Variants in TRUB1 observed in about 807,000 individuals in gnomAD.
The protein encoded by TRUB1 is TruB pseudouridine synthase family member 1.
Under a neutral mutation model 33.9 loss-of-function variants are expected in TRUB1, and 23 were observed. The observed-to-expected ratio is 0.68, with a 90% CI of 0.49 to 0.96. TRUB1 has a LOEUF of 0.96. Among genes scored for constraint, TRUB1 ranks in the 40% least tolerant of loss-of-function variants. The pLI, the probability that TRUB1 is intolerant of heterozygous loss-of-function variation, is 0.00. For missense variants in TRUB1, 378 were observed against 422.2 expected (o/e 0.90, Z 0.92); for synonymous variants, 163 against 165.4 (o/e 0.99, Z 0.11).
intron 1 of TRUB1, among the ~76,000 whole-genome samples, chr10:114,940,051 T>C (rs530361506): frequency 2.0e-5 from 3 of 152,278 alleles, no homozygotes; most frequent in South Asian, 4.1e-4. Flanking sequence ...TATTTTGTAT[T>C]TATGTTAGTT....
In TRUB1 at chr10:114,975,127, A is replaced by G. The variant is rs1564702869; in HGVS notation, c.798A>G (p.Leu266=). 3 of 1,608,170 alleles carry G rather than the reference A, an allele frequency of 1.9e-6. No individual in the cohort carries two copies. Among genetic ancestry groups the G allele is most frequent in the Non-Finnish European group, 2.5e-6 (3 of 1,177,826 alleles). Residue 266 remains leucine (L), a synonymous_variant, in exon 8 of 8, where the codon CTA becomes CTG. Transcript: ENST00000298746. ...RSLVSDIGKE[L]SSCANVLELT... ...TTCTACCTTTTGTTGCCATAGAACT[A>G]TCTTCCTGTGCCAATGTGCTAGAGC... is the stretch of plus-strand genomic sequence containing the variant.
intron 7 of TRUB1, 78 bp downstream of exon 7, chr10:114,974,463 T>C (rs2143036839): frequency 7.7e-7 from 1 of 1,292,796 alleles, no homozygotes; most frequent in Non-Finnish European, 1.1e-6. Flanking sequence ...ATTTTCCGTT[T>C]TTCTTATTTC....
Position 114,975,404 on chromosome 10 carries a change from T to G in TRUB1, c.*25T>G, listed in dbSNP as rs2084356068. On this transcript the variant is annotated 3_prime_UTR_variant, in exon 8 of 8. Transcript: ENST00000298746. ...AGATTGGCCTGGGAATATCATCATT[T>G]TCTAGTTGACATTTGAATCCTGTGT... is the stretch of plus-strand genomic sequence containing the variant. 1.3e-6 allele frequency: 2 copies of G among 1,512,980 alleles called. No homozygotes were observed. The highest frequency in any genetic ancestry group is 1.4e-5 in the African/African-American group (1 of 71,854). 93.7% of individuals were successfully genotyped at this position (1,512,980 alleles called of 1,614,324 possible).
intron 2 of TRUB1, among the ~76,000 whole-genome samples, chr10:114,944,701 C>T (rs1429834512): frequency 6.6e-6 from 1 of 151,910 alleles, no homozygotes; most frequent in African/African-American, 2.4e-5. Context: ...AGAAAAAAAT[C>T]AGGCTGGGCA....
Position 114,938,264 on chromosome 10 carries a change from C to T in TRUB1, c.11C>T (p.Ser4Phe). The change falls in exon 1 of 8, where the codon TCT becomes TTT. Residue 4 changes from serine to phenylalanine, a missense_variant. By Grantham distance (155) the Ser-to-Phe change is radical (BLOSUM62 -2). Coordinates refer to ENST00000298746, the MANE Select transcript of TRUB1 (RefSeq NM_139169.5). ...CTGGGCTACAAAAGTATGGCCGCTT[C>T]TGAGGCGGCGGTGGTGTCTTCGCCG... Reference protein sequence around the residue: MAASEAAVVSSPSL... With the variant: MAAFEAAVVSSPSL... 1.9e-6 allele frequency: 3 copies of T among 1,614,180 alleles called. No individual in the cohort carries two copies. The highest frequency in any genetic ancestry group is 2.5e-6 in the Non-Finnish European group (3 of 1,180,016).
At chr10:114,940,731 A>G (rs1290304409) in intron 1 of TRUB1, among the ~76,000 whole-genome samples, 1 of 152,208 alleles carries the variant, frequency 6.6e-6, no homozygotes, top group East Asian at 1.9e-4. Flanking sequence ...TAGTATATTT[A>G]TGGGGCCTTC....
chr10:114,942,030 C>T (rs979560449), intron 1 of TRUB1, among the ~76,000 whole-genome samples: 12 of 152,116 alleles, frequency 7.9e-5, no homozygotes, highest in African/African-American at 2.9e-4. Flanking sequence ...GTGATCCGCC[C>T]GCTTCGGCCT....
At chr10:114,970,292 A>G in intron 4 of TRUB1, 76 bp from the exon 5 acceptor site, 2 of 996,966 alleles carry the variant, frequency 2.0e-6, no homozygotes, top group Non-Finnish European at 3.0e-6. Context: ...ATGAATTTTC[A>G]GGGCTGTTGG....
intron 2 of TRUB1, among the ~76,000 whole-genome samples, chr10:114,949,371 A>G (rs2084224245): frequency 6.6e-6 from 1 of 152,194 alleles, no homozygotes; most frequent in South Asian, 2.1e-4. Flanking sequence ...GAAGAGTATT[A>G]TGCTCTTCAG....
chr10:114,970,608 A>G (rs1230348907), intron 5 of TRUB1, among the ~76,000 whole-genome samples, 168 bp downstream of exon 5: 2 of 152,102 alleles, frequency 1.3e-5, no homozygotes, highest in Non-Finnish European at 2.9e-5. Flanking sequence ...AGCTTTTGAC[A>G]CTCTAAGAGG....
intron 5 of TRUB1, among the ~76,000 whole-genome samples, chr10:114,971,893 T>C (rs914276734): frequency 2.6e-5 from 4 of 152,188 alleles, no homozygotes; most frequent in African/African-American, 9.7e-5. Context: ...ACACTGCATA[T>C]TGTGTGCCAG....
chr10:114,953,580 A>G (rs1232931863), intron 3 of TRUB1, among the ~76,000 whole-genome samples: 1 of 152,198 alleles, frequency 6.6e-6, no homozygotes, highest in Non-Finnish European at 1.5e-5. Flanking sequence ...TATTTTATGT[A>G]ATGACCATAT....
chr10:114,944,198 ACTTAT>A (rs1178849758), intron 2 of TRUB1, among the ~76,000 whole-genome samples: 1 of 151,884 alleles, frequency 6.6e-6, no homozygotes, highest in Non-Finnish European at 1.5e-5. Context: ...ATGGAACAAT[ACTTAT>A]CTTTTTACAT....
chr10:114,970,336 GT>G (rs776056946), intron 4 of TRUB1, 31 bp from the exon 5 acceptor site: 15 of 1,481,104 alleles, frequency 1.0e-5, no homozygotes, highest in African/African-American at 2.8e-5. Flanking sequence ...TTCTGTGGTT[GT>G]TTTAGTGTCT....
chr10:114,960,646 A>G (rs1338729216), intron 4 of TRUB1, among the ~76,000 whole-genome samples: 1 of 152,190 alleles, frequency 6.6e-6, no homozygotes. Flanking sequence ...GTAGCTTAGT[A>G]TCTTGCTCAA....
intron 1 of TRUB1, among the ~76,000 whole-genome samples, chr10:114,938,833 C>T (rs1463577600): frequency 6.6e-6 from 1 of 152,110 alleles, no homozygotes; most frequent in East Asian, 1.9e-4. Context: ...CTGATCGATC[C>T]CTCAGGAGGC....
rs142494407 is a variant in TRUB1 at position 114,972,382 on chromosome 10, A to G, written c.736+108A>G. The G allele has an allele frequency of 3.9e-6, 5 of 1,290,034 alleles. No individual in the cohort carries two copies. The East Asian group carries it at 1.2e-4, about 32-fold the overall frequency. The allele number at this position is 1,290,034 out of a possible 1,614,324, so 79.9% of individuals were successfully genotyped here. ...TCCGTAGGATGTTGGAGATTTTTTA[A>G]AATTTGAATTTAAGGAAAGTTAGGA... On this transcript the variant is annotated intron_variant, in intron 6 of 7. Coordinates refer to ENST00000298746, the MANE Select transcript of TRUB1 (RefSeq NM_139169.5).
chr10:114,949,486 A>G (rs907949918), intron 2 of TRUB1, among the ~76,000 whole-genome samples: 1 of 152,168 alleles, frequency 6.6e-6, no homozygotes. Context: ...GTTGGAATAG[A>G]CTTTATGAAT....
rs1346322608 is a variant in TRUB1 at position 114,959,729 on chromosome 10, T to G, written c.445T>G (p.Tyr149Asp). The change falls in exon 4 of 8, where the codon TAT (tyrosine) becomes GAT (aspartate). Residue 149 changes from tyrosine (Y) to aspartate (D), a missense_variant. Coordinates refer to ENST00000298746, the MANE Select transcript of TRUB1 (RefSeq NM_139169.5). ...TCTCTTGTTTCCCTTCCTCTAGAGA[T>G]ATACTGCCATTGGAGAACTGGGGAA... ...LTSMLSGSKRYTAIGELGKAT... is the reference protein window; with the variant it reads ...LTSMLSGSKRDTAIGELGKAT... 6.2e-7 allele frequency: 1 copy of G among 1,603,170 alleles called. No individual in the cohort carries two copies. The highest frequency in any genetic ancestry group is 1.7e-5 in the Admixed American group (1 of 59,984).
Sources: gnomAD v4.1 joint callset for allele counts (sites outside exome capture counted in the v4.1 genomes callset) on GRCh38, gnomAD v4.1.1 for gene constraint, MANE v1.5 for transcripts, NCBI Gene and HGNC (gene_info 2026-07-23, HGNC 2026-07-21) for gene names.